PDE1A: variants seen among roughly 807,000 people sequenced by gnomAD.
PDE1A encodes phosphodiesterase 1A.
In PDE1A, 35 loss-of-function variants were observed where a neutral mutation model predicts 61.7. The observed-to-expected ratio is 0.57, with a 90% CI of 0.43 to 0.75. The LOEUF (loss-of-function observed/expected upper bound fraction) is 0.75. PDE1A is among the 30% of genes least tolerant of loss of function. The pLI, the probability that PDE1A is intolerant of heterozygous loss-of-function variation, is 0.00. For missense variants in PDE1A, 597 were observed against 630.6 expected (o/e 0.95, Z 0.57); for synonymous variants, 232 against 213.2 (o/e 1.09, Z -0.77).
At chr2:182,385,583 A>G (rs895971958) in intron 1 of PDE1A, among the ~76,000 whole-genome samples, 2 of 151,734 alleles carry the variant, frequency 1.3e-5, no homozygotes, top group Non-Finnish European at 2.9e-5. Flanking sequence ...AGGAATCAAA[A>G]CATACCATTA....
the PDE1A span, among the ~76,000 whole-genome samples, chr2:182,567,744 A>C: frequency 6.6e-6 from 1 of 151,562 alleles, no homozygotes; most frequent in Admixed American, 6.6e-5. Context: ...AATATCTTTT[A>C]TATAACGTAT....
At chr2:182,523,287 G>C (rs905962794), upstream of PDE1A, 29 of 152,124 alleles carry the variant, frequency 1.9e-4, no homozygotes, top group African/African-American at 7.0e-4. Context: ...GTGTGTGTGT[G>C]TTTATGAGAG....
chr2:182,348,506 C>A (rs1201547114), intron 1 of PDE1A, among the ~76,000 whole-genome samples: 1 of 152,070 alleles, frequency 6.6e-6, no homozygotes, highest in Non-Finnish European at 1.5e-5. Flanking sequence ...CTCCCATATT[C>A]TCTCATGGTT....
intron 2 of PDE1A, among the ~76,000 whole-genome samples, chr2:182,507,195 AT>A (rs1238338222): frequency 6.6e-6 from 1 of 152,174 alleles, no homozygotes. Context: ...AACCACAGTA[AT>A]AGGTAGAAAA....
chr2:182,687,456 A>G, the PDE1A span, among the ~76,000 whole-genome samples: 1 of 152,180 alleles, frequency 6.6e-6, no homozygotes, highest in East Asian at 1.9e-4. Context: ...ACTCCAACAG[A>G]CCTGCAGCTG....
the PDE1A span, among the ~76,000 whole-genome samples, chr2:182,629,938 T>C: frequency 1.3e-5 from 2 of 152,146 alleles, no homozygotes. Flanking sequence ...TTGGCCAGTG[T>C]GTGAGGTATA....
At chr2:182,693,971 A>T in the PDE1A span, among the ~76,000 whole-genome samples, 1 of 152,182 alleles carries the variant, frequency 6.6e-6, no homozygotes, top group Non-Finnish European at 1.5e-5. Context: ...TTATAAAAAC[A>T]AAGCTGTTTA....
At chr2:182,498,973 A>G (rs1046679220) in intron 2 of PDE1A, among the ~76,000 whole-genome samples, 1 of 150,878 alleles carries the variant, frequency 6.6e-6, no homozygotes, top group Non-Finnish European at 1.5e-5. Flanking sequence ...TGACCCTACT[A>G]AGGTTTTTTT....
At chr2:182,206,858 C>T (rs1259075230) in intron 7 of PDE1A, among the ~76,000 whole-genome samples, 3 of 152,172 alleles carry the variant, frequency 2.0e-5, no homozygotes, top group African/African-American at 7.2e-5. Flanking sequence ...GCACTCTCTC[C>T]TGCCACCATG....
At chr2:182,510,180 G>A (rs781466497) in intron 2 of PDE1A, among the ~76,000 whole-genome samples, 9 of 151,956 alleles carry the variant, frequency 5.9e-5, no homozygotes, top group Non-Finnish European at 1.2e-4. Context: ...AATAAAATTT[G>A]ATCTTTTTAA....
At chr2:182,207,041 C>A (rs1056664397) in intron 7 of PDE1A, among the ~76,000 whole-genome samples, 1 of 152,070 alleles carries the variant, frequency 6.6e-6, no homozygotes, top group African/African-American at 2.4e-5. Flanking sequence ...TGGACTAATA[C>A]AGAAAATTGG....
At chr2:182,350,153 A>G (rs1698784070) in intron 1 of PDE1A, among the ~76,000 whole-genome samples, 1 of 152,124 alleles carries the variant, frequency 6.6e-6, no homozygotes. Context: ...TAAAATGCAT[A>G]TACATGAAAT....
chr2:182,142,158 A>T (rs1044062579), downstream of PDE1A: 2 of 151,134 alleles, frequency 1.3e-5, no homozygotes, highest in Non-Finnish European at 2.9e-5. Flanking sequence ...ACACACACAC[A>T]TTCTTGTCTC....
intron 13 of PDE1A, among the ~76,000 whole-genome samples, chr2:182,159,883 T>A (rs1691285728): frequency 6.6e-6 from 1 of 151,904 alleles, no homozygotes; most frequent in Non-Finnish European, 1.5e-5. Flanking sequence ...AGCCCAGGAG[T>A]TTGAGGCTGC....
At chr2:182,585,577 T>C in the PDE1A span, among the ~76,000 whole-genome samples, 1 of 152,184 alleles carries the variant, frequency 6.6e-6, no homozygotes, top group East Asian at 1.9e-4. Context: ...TCAGTCCACT[T>C]TCTTAATCTT....
chr2:182,177,521 CT>C (rs1194824141), intron 13 of PDE1A, among the ~76,000 whole-genome samples: 1 of 152,030 alleles, frequency 6.6e-6, no homozygotes, highest in Non-Finnish European at 1.5e-5. Context: ...ATAGGGAATC[CT>C]TTCCCTATTG....
chr2:182,206,136 CA>C, intron 7 of PDE1A, 71 bp from the exon 8 acceptor site: 1 of 1,226,410 alleles, frequency 8.2e-7, no homozygotes, highest in Non-Finnish European at 1.1e-6. Context: ...AAGACTTACT[CA>C]AGTATCAAGT....
chr2:182,654,522 T>C, the PDE1A span, among the ~76,000 whole-genome samples: 23 of 152,350 alleles, frequency 1.5e-4, no homozygotes, highest in African/African-American at 3.6e-4. Context: ...ATCATAGTAA[T>C]ATTCCTGTTT....
At chr2:182,692,819 T>C in the PDE1A span, among the ~76,000 whole-genome samples, 1 of 152,028 alleles carries the variant, frequency 6.6e-6, no homozygotes, top group African/African-American at 2.4e-5. Flanking sequence ...AGTGTAAACA[T>C]ATCTGCCTCC....
Sources: gnomAD v4.1 joint callset for allele counts (sites outside exome capture counted in the v4.1 genomes callset) on GRCh38, gnomAD v4.1.1 for gene constraint, MANE v1.5 for transcripts, NCBI Gene and HGNC (gene_info 2026-07-23, HGNC 2026-07-21) for gene names.